SKAP1: variants seen among roughly 807,000 people sequenced by gnomAD.
SKAP1 encodes the protein src kinase associated phosphoprotein 1, also known as src kinase-associated phosphoprotein 1.
Under a neutral mutation model 58.5 loss-of-function variants are expected in SKAP1, and 44 were observed. That is an observed-to-expected ratio of 0.75 (90% confidence interval 0.59 to 0.97). SKAP1 has a LOEUF of 0.97. Ranked by LOEUF, SKAP1 falls within the 50% of genes least tolerant of loss-of-function variation. The pLI is 0.00. For synonymous variants in SKAP1, 127 were observed against 149.7 expected (o/e 0.85, Z 1.11); for missense variants, 390 against 435.2 (o/e 0.90, Z 0.92).
chr17:48,161,055 T>C (rs2064061879), intron 11 of SKAP1, among the ~76,000 whole-genome samples: 3 of 152,120 alleles, frequency 2.0e-5, no homozygotes, highest in African/African-American at 7.2e-5. Flanking sequence ...GGCCTCCTAC[T>C]CTCTTGCAAA....
At chr17:48,343,449 A>G (rs1384514492) in intron 4 of SKAP1, among the ~76,000 whole-genome samples, 4 of 152,226 alleles carry the variant, frequency 2.6e-5, no homozygotes, top group Admixed American at 1.3e-4. Flanking sequence ...TGCTTTGCAG[A>G]AACTCACATT....
upstream of SKAP1, among the ~76,000 whole-genome samples, chr17:48,430,868 C>T (rs973620146): frequency 2.0e-5 from 3 of 152,118 alleles, no homozygotes; most frequent in African/African-American, 7.2e-5. Context: ...CCTTTCCCTC[C>T]AGGAGCTGCG....
At chr17:48,317,798 A>G (rs2066308699) in intron 4 of SKAP1, among the ~76,000 whole-genome samples, 1 of 152,122 alleles carries the variant, frequency 6.6e-6, no homozygotes, top group Non-Finnish European at 1.5e-5. Context: ...CAAATATTAA[A>G]CTCTCATGAG....
At chr17:48,156,333 T>C (rs935860856) in intron 11 of SKAP1, 2 of 237,808 alleles carry the variant, frequency 8.4e-6, no homozygotes, top group African/African-American at 2.3e-5. Context: ...TTCCCTGCTC[T>C]ATTCAAACTT....
intron 4 of SKAP1, among the ~76,000 whole-genome samples, chr17:48,209,384 T>A (rs1026979290): frequency 6.6e-6 from 1 of 152,114 alleles, no homozygotes; most frequent in Non-Finnish European, 1.5e-5. Flanking sequence ...ATAAAAGTAA[T>A]AAGAAACAAA....
intron 2 of SKAP1, among the ~76,000 whole-genome samples, chr17:48,372,115 A>T (rs1270181096): frequency 2.0e-5 from 3 of 150,726 alleles, no homozygotes; most frequent in Non-Finnish European, 3.0e-5. Flanking sequence ...AGGATTACAA[A>T]CGTGTGCCAC....
At chr17:48,204,278 T>C (rs1001368624) in intron 4 of SKAP1, 1 of 151,298 alleles carries the variant, frequency 6.6e-6, no homozygotes, top group Admixed American at 6.6e-5. Context: ...TTTTTTTGTA[T>C]TTTTAGTAGA....
chr17:48,250,320 C>T (rs1283933415), intron 4 of SKAP1, among the ~76,000 whole-genome samples: 3 of 107,850 alleles, frequency 2.8e-5, no homozygotes, highest in African/African-American at 3.6e-5. Flanking sequence ...TTCACTCTGT[C>T]GCCCAGGCTG....
At chr17:48,349,011 G>A (rs986581854) in intron 3 of SKAP1, among the ~76,000 whole-genome samples, 1 of 152,208 alleles carries the variant, frequency 6.6e-6, no homozygotes, top group Non-Finnish European at 1.5e-5. Flanking sequence ...TGATGGAGAT[G>A]TTGTTATAAG....
chr17:48,374,557 T>C (rs1042956207), intron 2 of SKAP1, among the ~76,000 whole-genome samples: 1 of 152,204 alleles, frequency 6.6e-6, no homozygotes, highest in Non-Finnish European at 1.5e-5. Context: ...ATGGATTCCA[T>C]GCAAGTTGAT....
chr17:48,356,942 C>T (rs1289924752), intron 3 of SKAP1, among the ~76,000 whole-genome samples: 1 of 152,094 alleles, frequency 6.6e-6, no homozygotes, highest in Non-Finnish European at 1.5e-5. Context: ...CTCAAATTAC[C>T]CTTTTCATCT....
chr17:48,346,768 T>C (rs1388655703), intron 3 of SKAP1, among the ~76,000 whole-genome samples: 1 of 152,186 alleles, frequency 6.6e-6, no homozygotes, highest in Non-Finnish European at 1.5e-5. Context: ...GCAAGGTCAA[T>C]AGTCTTTCTC....
chr17:48,441,807 C>G, the SKAP1 span, among the ~76,000 whole-genome samples: 1 of 152,122 alleles, frequency 6.6e-6, no homozygotes, highest in Admixed American at 6.6e-5. Context: ...CCATCTAGGA[C>G]AGGTAATTTA....
At chr17:48,253,784 G>C (rs1452025573) in intron 4 of SKAP1, among the ~76,000 whole-genome samples, 1 of 152,094 alleles carries the variant, frequency 6.6e-6, no homozygotes, top group African/African-American at 2.4e-5. Context: ...GAAAGGACCA[G>C]AGTTCAGATA....
intron 4 of SKAP1, among the ~76,000 whole-genome samples, chr17:48,247,318 C>G (rs555671313): frequency 1.8e-4 from 28 of 152,028 alleles, no homozygotes; most frequent in African/African-American, 6.5e-4. Flanking sequence ...GACATGATAA[C>G]GAAGGCAAAT....
At chr17:48,336,551 C>A (rs1258295458) in intron 4 of SKAP1, among the ~76,000 whole-genome samples, 2 of 152,010 alleles carry the variant, frequency 1.3e-5, no homozygotes, top group Non-Finnish European at 2.9e-5. Flanking sequence ...ATTATTCAGT[C>A]TCAGAAGATG....
chr17:48,363,387 G>A (rs1420502836), intron 3 of SKAP1, among the ~76,000 whole-genome samples: 1 of 152,184 alleles, frequency 6.6e-6, no homozygotes, highest in Non-Finnish European at 1.5e-5. Flanking sequence ...CACTGTGATC[G>A]AGGAGGTAAC....
intron 4 of SKAP1, among the ~76,000 whole-genome samples, chr17:48,343,867 G>C (rs1425225628): frequency 6.6e-6 from 1 of 152,172 alleles, no homozygotes; most frequent in Non-Finnish European, 1.5e-5. Context: ...AGAGGTTTTA[G>C]AACCAGACTA....
chr17:48,279,851 T>C (rs918563933), intron 4 of SKAP1, among the ~76,000 whole-genome samples: 2 of 152,156 alleles, frequency 1.3e-5, no homozygotes, highest in Non-Finnish European at 2.9e-5. Context: ...GCTTCCATTT[T>C]CCCTAAATCC....
Sources: gnomAD v4.1 joint callset for allele counts (sites outside exome capture counted in the v4.1 genomes callset) on GRCh38, gnomAD v4.1.1 for gene constraint, MANE v1.5 for transcripts, NCBI Gene and HGNC (gene_info 2026-07-23, HGNC 2026-07-21) for gene names.